The following ZRSR2 variants were observed in gnomAD, a reference collection of about 807,000 sequenced individuals.
ZRSR2 encodes the protein U2 small nuclear ribonucleoprotein auxiliary factor 35 kDa subunit-related protein 2.
In ZRSR2, 3 loss-of-function variants were observed where a neutral mutation model predicts 39.4. The observed-to-expected ratio is 0.08, with a 90% CI of 0.03 to 0.20. The LOEUF (loss-of-function observed/expected upper bound fraction) is 0.20, where lower values mean the gene tolerates loss of function less well. Among genes scored for constraint, ZRSR2 ranks in the 10% least tolerant of loss-of-function variants. The pLI, the probability that ZRSR2 is intolerant of heterozygous loss-of-function variation, is 1.00. For synonymous variants in ZRSR2, 137 were observed against 136.0 expected, an observed-to-expected ratio of 1.01 and a Z score of -0.05; for missense variants, 256 against 391.5, an observed-to-expected ratio of 0.65 and a Z score of 2.92.
At chrX:15,799,400 T>C (rs1264138844) in intron 2 of ZRSR2, among the ~76,000 whole-genome samples, 8 of 110,473 alleles carry the variant, frequency 7.2e-5, no homozygotes, top group African/African-American at 2.6e-4. Context: ...TTCTCCATTT[T>C]TTAGTTACCA....
At chrX:15,808,849 G>T (rs1440627269) in intron 6 of ZRSR2, among the ~76,000 whole-genome samples, 1 of 110,769 alleles carries the variant, frequency 9.0e-6, no homozygotes, top group Non-Finnish European at 1.9e-5. Context: ...TTGAACTCCT[G>T]ATCTCAGGTG....
intron 2 of ZRSR2, among the ~76,000 whole-genome samples, chrX:15,795,032 C>G (rs1029691019): frequency 9.1e-6 from 1 of 110,161 alleles, no homozygotes; most frequent in Admixed American, 9.7e-5. Flanking sequence ...TGTCTGTTAG[C>G]TCTTGAATTT....
intron 3 of ZRSR2, 51 bp downstream of exon 3, chrX:15,800,004 A>G: frequency 1.1e-6 from 1 of 946,546 alleles, no homozygotes; most frequent in Non-Finnish European, 1.5e-6. Context: ...TTATTGGAAT[A>G]TTATCAACCT....
At chrX:15,805,027 T>C (rs1211203230) in intron 5 of ZRSR2, among the ~76,000 whole-genome samples, 1 of 112,189 alleles carries the variant, frequency 8.9e-6, no homozygotes, top group African/African-American at 3.2e-5. Context: ...TTCCCTTGAC[T>C]GATTCATCAG....
chrX:15,795,256 T>C (rs1932413964), intron 2 of ZRSR2, among the ~76,000 whole-genome samples: 1 of 110,888 alleles, frequency 9.0e-6, no homozygotes, highest in Admixed American at 9.7e-5. Flanking sequence ...GCATCTTCAA[T>C]GGTATAATCT....
intron 7 of ZRSR2, among the ~76,000 whole-genome samples, chrX:15,812,251 A>G (rs1932898433): frequency 8.9e-6 from 1 of 112,618 alleles, no homozygotes; most frequent in South Asian, 3.6e-4. Flanking sequence ...TACAATTTTC[A>G]TAGGCATATG....
At chrX:15,797,037 G>A (rs1184466326) in intron 2 of ZRSR2, among the ~76,000 whole-genome samples, 6 of 108,091 alleles carry the variant, frequency 5.6e-5, no homozygotes, top group African/African-American at 1.7e-4. Context: ...CAAGTAATCC[G>A]TCCACCTCGG....
At chrX:15,807,972 G>A (rs753591414) in intron 5 of ZRSR2, among the ~76,000 whole-genome samples, 105 of 110,381 alleles carry the variant, frequency 9.5e-4, no homozygotes, top group Non-Finnish European at 1.5e-3. Context: ...CCTGGGAGGC[G>A]GAGGTTGCAG....
intron 7 of ZRSR2, among the ~76,000 whole-genome samples, chrX:15,814,692 A>G (rs1009758129): frequency 4.5e-5 from 5 of 111,618 alleles, no homozygotes; most frequent in Non-Finnish European, 9.4e-5. Context: ...ATTAATGCAG[A>G]TGTCTTGGAT....
chrX:15,790,676 G>A (rs1280654292), intron 1 of ZRSR2, 140 bp downstream of exon 1: 4 of 886,527 alleles, frequency 4.5e-6, no homozygotes, highest in Non-Finnish European at 6.3e-6. Flanking sequence ...GCGCGCTCTG[G>A]TGCCCTCCCC....
In ZRSR2 at chrX:15,803,714, T is replaced by G. The variant is rs1232161241; in HGVS notation, c.230T>G (p.Leu77Arg). 5.0e-6 allele frequency: 6 copies of G among 1,201,295 alleles called. No individual in the cohort carries two copies. Among genetic ancestry groups the G allele is most frequent in the Non-Finnish European group, 6.7e-6 (6 of 890,787 alleles). The change falls in exon 4 of 11, where the codon CTA becomes CGA. Residue 77 changes from leucine (L) to arginine (R), a missense_variant. Leu to Arg is a moderately radical substitution (Grantham distance 102). Transcript: ENST00000307771. Reference sequence around the variant, plus strand: ...CAAAGATTACATGAGGAGTGGTTGCTAAGAGAGCAGAAGGCACAAGAAGAA... The same window carrying G: ...CAAAGATTACATGAGGAGTGGTTGCGAAGAGAGCAGAAGGCACAAGAAGAA... The part of the protein sequence containing the change: ...ERQRLHEEWL[L>R]REQKAQEEFR...
chrX:15,820,059 T>G lies in ZRSR2; in HGVS notation c.828-148T>G, dbSNP rs761424124. On this transcript the variant is annotated intron_variant, in intron 9 of 10. Coordinates refer to ENST00000307771, the MANE Select transcript of ZRSR2 (RefSeq NM_005089.4). ...TGAATAAATTGGGAGCTTTGGGAGC[T>G]TGACCATTTTAATGACTCTTCCCTA... 3.3e-5 allele frequency: 17 copies of G among 508,742 alleles called. No individual in the cohort carries two copies. In the East Asian group the frequency reaches 5.1e-4, roughly 15 times the overall value. The allele number at this position is 508,742 out of a possible 1,213,427, so 41.9% of individuals were successfully genotyped here. A position where few individuals can be genotyped will look rare whatever the true frequency, so the allele number is the denominator to read the frequency against.
chrX:15,802,943 C>T (rs1439544049), intron 3 of ZRSR2, among the ~76,000 whole-genome samples: 1 of 110,058 alleles, frequency 9.1e-6, no homozygotes, highest in Non-Finnish European at 1.9e-5. Context: ...GGGTTTTCAG[C>T]GTGCTGCCAT....
chrX:15,794,328 G>A (rs1932377973), intron 2 of ZRSR2, among the ~76,000 whole-genome samples: 1 of 110,081 alleles, frequency 9.1e-6, no homozygotes, highest in African/African-American at 3.3e-5. Context: ...GACTCTGACC[G>A]CCCCCCGCCC....
At chrX:15,797,782 A>T (rs1279295459) in intron 2 of ZRSR2, among the ~76,000 whole-genome samples, 1 of 111,391 alleles carries the variant, frequency 9.0e-6, no homozygotes, top group African/African-American at 3.3e-5. Context: ...ATGTATATGT[A>T]TTGCATATGT....
chrX:15,800,012 C>T, intron 3 of ZRSR2, 59 bp downstream of exon 3: 1 of 834,985 alleles, frequency 1.2e-6, no homozygotes. Flanking sequence ...ATATTATCAA[C>T]CTTTACTAAC....
At chrX:15,806,700 G>A (rs1485890846) in intron 5 of ZRSR2, among the ~76,000 whole-genome samples, 1 of 89,392 alleles carries the variant, frequency 1.1e-5, no homozygotes, top group Non-Finnish European at 2.2e-5. Context: ...GTGCTCGTGT[G>A]AACCACTGCA....
At chrX:15,794,918 T>A (rs1005399658) in intron 2 of ZRSR2, among the ~76,000 whole-genome samples, 6 of 111,786 alleles carry the variant, frequency 5.4e-5, no homozygotes, top group African/African-American at 2.0e-4. Context: ...CTAGTGTCAA[T>A]TTGTTTTCTG....
At chrX:15,807,372 C>T (rs1296709497) in intron 5 of ZRSR2, among the ~76,000 whole-genome samples, 1 of 110,191 alleles carries the variant, frequency 9.1e-6, no homozygotes, top group Non-Finnish European at 1.9e-5. Context: ...TCACTGCAAC[C>T]TCTGCCTCCT....
Sources: allele counts gnomAD v4.1 joint callset (sites outside exome capture counted in the v4.1 genomes callset), GRCh38; gene constraint gnomAD v4.1.1; transcripts MANE v1.5; gene names NCBI Gene and HGNC (gene_info 2026-07-23, HGNC 2026-07-21).